Variants in VWC2 observed in about 807,000 individuals in gnomAD.
VWC2 encodes the protein von Willebrand factor C domain containing 2.
VWC2 carries 14 observed loss-of-function variants against 29.8 expected under a neutral mutation model. The ratio of observed to expected loss-of-function variants is 0.47; its 90% CI spans 0.31 to 0.74. The LOEUF is 0.74. VWC2 is among the 30% of genes least tolerant of loss of function. The probability of loss-of-function intolerance (pLI) is 0.05; values close to 1 mark genes in which losing one functional copy is unlikely to be tolerated. For missense variants in VWC2, 457 were observed against 459.8 expected, an observed-to-expected ratio of 0.99 and a Z score of 0.05; for synonymous variants, 213 against 199.0, an observed-to-expected ratio of 1.07 and a Z score of -0.59.
intron 3 of VWC2, among the ~76,000 whole-genome samples, chr7:49,863,016 A>G (rs1790721125): frequency 6.6e-6 from 1 of 152,140 alleles, no homozygotes; most frequent in Non-Finnish European, 1.5e-5. Flanking sequence ...CTTCTATTAT[A>G]TGGAAGAGTT....
intron 3 of VWC2, among the ~76,000 whole-genome samples, chr7:49,852,810 T>G (rs910131538): frequency 3.3e-5 from 5 of 152,232 alleles, no homozygotes; most frequent in Non-Finnish European, 7.3e-5. Flanking sequence ...GAGGAACATT[T>G]GGCCATGACT....
chr7:49,899,112 G>A (rs1792565139), intron 3 of VWC2, among the ~76,000 whole-genome samples: 1 of 151,928 alleles, frequency 6.6e-6, no homozygotes, highest in Non-Finnish European at 1.5e-5. Flanking sequence ...CAGACACATA[G>A]ACTATCCCCC....
intron 3 of VWC2, among the ~76,000 whole-genome samples, chr7:49,811,580 CTT>C (rs1371727290): frequency 1.3e-5 from 2 of 152,142 alleles, no homozygotes; most frequent in Admixed American, 6.5e-5. Context: ...ATAACCCAGT[CTT>C]AGGATATTTA....
At chr7:49,859,078 T>C (rs1247316562) in intron 3 of VWC2, among the ~76,000 whole-genome samples, 1 of 152,222 alleles carries the variant, frequency 6.6e-6, no homozygotes, top group African/African-American at 2.4e-5. Flanking sequence ...TTGTGGCCCA[T>C]ATGGGCACAT....
chr7:49,885,000 G>A (rs1250021068), intron 3 of VWC2, among the ~76,000 whole-genome samples: 1 of 151,974 alleles, frequency 6.6e-6, no homozygotes, highest in Non-Finnish European at 1.5e-5. Context: ...TTAGGAAATA[G>A]GATATAAGTG....
chr7:49,904,872 A>C (rs977910527), intron 3 of VWC2, among the ~76,000 whole-genome samples: 1 of 151,226 alleles, frequency 6.6e-6, no homozygotes, highest in Non-Finnish European at 1.5e-5. Flanking sequence ...AGTAGCTTGG[A>C]TTATAGGCAC....
intron 3 of VWC2, among the ~76,000 whole-genome samples, chr7:49,859,998 G>A (rs117414040): frequency 5.9e-4 from 89 of 151,734 alleles, no homozygotes; most frequent in Non-Finnish European, 1.2e-3. Context: ...ATACATATAT[G>A]TCCATTTAAT....
In VWC2 at chr7:49,790,545, G is replaced by A. The variant is rs77431473; in HGVS notation, c.697-12166G>A. Among the ~76,000 whole-genome samples the A allele has an allele frequency of 5.8e-3, 886 of 152,292 alleles. 3 individuals carry two copies. Among genetic ancestry groups the A allele is most frequent in the African/African-American group, 7.7e-3 (321 of 41,538 alleles). ...TGCTATAATCCTTGTGGTGGAGGCT[G>A]GAAGGTAGCTTGTGGATCAACTTCA... On this transcript the variant is annotated intron_variant, in intron 2 of 3. Transcript: ENST00000340652.
At chr7:49,856,799 G>T (rs1790435282) in intron 3 of VWC2, among the ~76,000 whole-genome samples, 1 of 152,018 alleles carries the variant, frequency 6.6e-6, no homozygotes, top group African/African-American at 2.4e-5. Context: ...CACGAGGTCA[G>T]GAGATCGAGA....
chr7:49,830,036 T>C (rs1176018924), intron 3 of VWC2, among the ~76,000 whole-genome samples: 1 of 152,238 alleles, frequency 6.6e-6, no homozygotes, highest in Non-Finnish European at 1.5e-5. Flanking sequence ...TTACAGATTT[T>C]CTTTTTCATG....
chr7:49,912,358 T>C lies in VWC2; in HGVS notation c.*173T>C. On this transcript the variant is annotated 3_prime_UTR_variant, in exon 4 of 4. Transcript: ENST00000340652. Reference sequence around the variant, plus strand: ...TTACTACAACAGAAGGAAATGGATATATTTCAAAACATCAACAAGAACTTT... The same window carrying C: ...TTACTACAACAGAAGGAAATGGATACATTTCAAAACATCAACAAGAACTTT... 6.5e-6 allele frequency: 4 copies of C among 619,562 alleles called. No homozygotes were observed. The highest frequency in any genetic ancestry group is 1.0e-5 in the Non-Finnish European group (4 of 383,138). 38.4% of individuals were successfully genotyped at this position (619,562 alleles called of 1,614,324 possible).
chr7:49,895,371 G>T (rs1792332354), intron 3 of VWC2, among the ~76,000 whole-genome samples: 2 of 152,096 alleles, frequency 1.3e-5, no homozygotes, highest in Non-Finnish European at 2.9e-5. Flanking sequence ...ATTCCAGGGG[G>T]ACACCAATAT....
intron 3 of VWC2, among the ~76,000 whole-genome samples, chr7:49,837,118 G>T (rs1039738141): frequency 6.6e-6 from 1 of 152,156 alleles, no homozygotes; most frequent in Non-Finnish European, 1.5e-5. Flanking sequence ...TAACCAAAAT[G>T]ACCCAGTTCT....
chr7:49,790,544 T>A (rs1346163533), intron 2 of VWC2, among the ~76,000 whole-genome samples: 1 of 152,216 alleles, frequency 6.6e-6, no homozygotes, highest in Non-Finnish European at 1.5e-5. Context: ...TGGTGGAGGC[T>A]GGAAGGTAGC....
Position 49,775,642 on chromosome 7 carries a change from G to A in VWC2, c.207G>A (p.Glu69=). The change falls in exon 2 of 4, where the codon GAG becomes GAA. Residue 69 remains glutamate, a synonymous_variant. Transcript: ENST00000340652. ...VNELGRPARD[E]GGSGRDWKSK... Reference sequence around the variant, plus strand: ...AGCTCGGGCGCCCGGCGAGGGACGAGGGCGGCAGCGGCCGGGACTGGAAGA... The same window carrying A: ...AGCTCGGGCGCCCGGCGAGGGACGAAGGCGGCAGCGGCCGGGACTGGAAGA... 6.5e-7 allele frequency: 1 copy of A among 1,529,292 alleles called. No individual in the cohort carries two copies. The allele number at this position is 1,529,292 out of a possible 1,614,324, so 94.7% of individuals were successfully genotyped here. A position where few individuals can be genotyped will look rare whatever the true frequency, so the allele number is the denominator to read the frequency against.
chr7:49,872,942 G>GA (rs1479439569), intron 3 of VWC2, among the ~76,000 whole-genome samples: 4 of 101,264 alleles, frequency 4.0e-5, no homozygotes, highest in African/African-American at 1.4e-4. Context: ...AAAAAAGAAA[G>GA]AAAAAAATAA....
chr7:49,911,993 T>G, intron 3 of VWC2, 41 bp from the exon 4 acceptor site: 1 of 1,533,278 alleles, frequency 6.5e-7, no homozygotes, highest in Non-Finnish European at 8.8e-7. Flanking sequence ...TATTATATAT[T>G]TATGCACACA....
At position 49,893,649 on chromosome 7, in the gene VWC2, T is replaced by TTA. The variant is rs1554340898; in HGVS notation, c.827-18385_827-18384insTA. On this transcript the variant is annotated intron_variant, in intron 3 of 3. Transcript: ENST00000340652. ...TTAGGAAACCAGTTTTTTTTTTTTT[T>TTA]ATCCTTTTGAGACCAGTACCCTGTG... 4.0e-3 allele frequency among the ~76,000 whole-genome samples: 595 copies of TTA among 149,552 alleles called. 2 individuals carry two copies. Among genetic ancestry groups the TTA allele is most frequent in the Middle Eastern group, 0.014 (4 of 294 alleles).
chr7:49,810,604 G>A (rs1041719721), intron 3 of VWC2, among the ~76,000 whole-genome samples: 3 of 152,094 alleles, frequency 2.0e-5, no homozygotes, highest in South Asian at 4.1e-4. Flanking sequence ...TGGAAAATTT[G>A]TACTATCCCA....
Sources: allele counts gnomAD v4.1 joint callset (sites outside exome capture counted in the v4.1 genomes callset), GRCh38; gene constraint gnomAD v4.1.1; transcripts MANE v1.5; gene names NCBI Gene and HGNC (gene_info 2026-07-23, HGNC 2026-07-21).